The following SUMF1 variants were observed in gnomAD, a reference collection of about 807,000 sequenced individuals.
SUMF1 encodes sulfatase modifying factor 1.
SUMF1 carries 48 observed loss-of-function variants against 47.6 expected under a neutral mutation model. The observed-to-expected ratio is 1.01, with a 90% CI of 0.80 to 1.28. The LOEUF is 1.28. Among genes scored for constraint, SUMF1 ranks in the 50% most tolerant of loss-of-function variants. The pLI, the probability that SUMF1 is intolerant of heterozygous loss-of-function variation, is 0.00. For synonymous variants in SUMF1, 230 were observed against 192.1 expected (o/e 1.20, Z -1.63); for missense variants, 571 against 485.4 (o/e 1.18, Z -1.66).
intron 8 of SUMF1, among the ~76,000 whole-genome samples, chr3:4,193,771 T>A (rs1406032616): frequency 6.6e-6 from 1 of 152,094 alleles, no homozygotes; most frequent in Non-Finnish European, 1.5e-5. Flanking sequence ...TCCACTATTT[T>A]ACCATCTGGG....
intron 8 of SUMF1, among the ~76,000 whole-genome samples, chr3:4,131,700 G>A (rs1693794089): frequency 6.6e-6 from 1 of 152,160 alleles, no homozygotes; most frequent in South Asian, 2.1e-4. Context: ...TGGGGAAGAG[G>A]TACGTGGATG....
chr3:4,242,055 G>T (rs145627544), intron 8 of SUMF1, among the ~76,000 whole-genome samples: 1 of 151,960 alleles, frequency 6.6e-6, no homozygotes, highest in Non-Finnish European at 1.5e-5. Context: ...TGGTCTAGGG[G>T]TATGATCCTT....
At chr3:4,369,755 G>A (rs569411152) in intron 8 of SUMF1, among the ~76,000 whole-genome samples, 1 of 152,160 alleles carries the variant, frequency 6.6e-6, no homozygotes, top group East Asian at 1.9e-4. Context: ...TCTAGTATGG[G>A]GCCCAAGAAC....
Position 4,234,503 on chromosome 3 carries a change from G to T in SUMF1, c.1014+141827C>A, listed in dbSNP as rs61389820. On this transcript the variant is annotated intron_variant and NMD_transcript_variant, in intron 8 of 12. Transcript: ENST00000448413. ...CTTTTCGTTTCTCCTGCTCATTCACGTATCCATTCAACTAACATGTATATG... is the reference window on the plus strand; with the variant it reads ...CTTTTCGTTTCTCCTGCTCATTCACTTATCCATTCAACTAACATGTATATG... 5.3e-3 allele frequency among the ~76,000 whole-genome samples: 802 copies of T among 151,976 alleles called. 10 individuals are homozygous for T. Among genetic ancestry groups the T allele is most frequent in the African/African-American group, 0.018 (761 of 41,444 alleles).
rs1699748823 is a variant in SUMF1, at chr3:4,361,328, A to T, written c.*816T>A. On this transcript the variant is annotated 3_prime_UTR_variant, in exon 9 of 9. Coordinates refer to ENST00000272902, the MANE Select transcript of SUMF1 (RefSeq NM_182760.4). ...AAACAGGTTTCCCCGTTTAGCGCAC[A>T]TTTCACGTTCGCTGAAGGCTTTGGG... is the stretch of plus-strand genomic sequence containing the variant. 6.6e-6 allele frequency: 1 copy of T among 152,574 alleles called. No individual in the cohort carries two copies. The highest frequency in any genetic ancestry group is 1.5e-5 in the Non-Finnish European group (1 of 68,036). 9.5% of individuals were successfully genotyped at this position (152,574 alleles called of 1,614,324 possible).
rs978235091 is a variant in SUMF1, at chr3:4,234,029, T to C, written c.1014+142301A>G. On this transcript the variant is annotated intron_variant and NMD_transcript_variant, in intron 8 of 12. Coordinates refer to the SUMF1 transcript ENST00000448413. The stretch of plus-strand genomic sequence containing the variant: ...ATGACCTCCTGGCCTGAAAGAATTA[T>C]GGCCATTTTTCTAAAGGCGCCTAAA... 3.3e-5 allele frequency among the ~76,000 whole-genome samples: 5 copies of C among 152,112 alleles called. No individual in the cohort carries two copies. The South Asian group carries it at 6.2e-4, about 19-fold the overall frequency.
At chr3:4,247,820 C>T (rs1282118273) in intron 8 of SUMF1, among the ~76,000 whole-genome samples, 1 of 152,122 alleles carries the variant, frequency 6.6e-6, no homozygotes, top group South Asian at 2.1e-4. Context: ...ACCAAGATTT[C>T]GATGAAGTAC....
At chr3:4,328,069 T>A (rs988220276) in intron 8 of SUMF1, among the ~76,000 whole-genome samples, 2 of 151,854 alleles carry the variant, frequency 1.3e-5, no homozygotes, top group African/African-American at 4.8e-5. Flanking sequence ...AAATTAAAAA[T>A]TAGCTGGGTG....
At position 4,093,106 on chromosome 3, in the gene SUMF1, C is replaced by T. The variant is rs144309473; in HGVS notation, c.1015-24361G>A. 1.8e-3 allele frequency among the ~76,000 whole-genome samples: 269 copies of T among 152,176 alleles called. 4 individuals are homozygous for T. Among genetic ancestry groups the T allele is most frequent in the Middle Eastern group, 6.8e-3 (2 of 294 alleles). On this transcript the variant is annotated intron_variant and NMD_transcript_variant, in intron 8 of 12. Transcript: ENST00000448413. ...TAGTTGGGTGTTCTTGGGTAAGTCA[C>T]CACTTGTCCACTCTGAGCCTTTAAA...
At chr3:4,394,737 G>A (rs1700986490) in intron 7 of SUMF1, among the ~76,000 whole-genome samples, 1 of 152,156 alleles carries the variant, frequency 6.6e-6, no homozygotes, top group Non-Finnish European at 1.5e-5. Flanking sequence ...AGGGATCCAG[G>A]CAAGGCTGCA....
At chr3:4,217,224 T>C (rs1695944152) in intron 8 of SUMF1, among the ~76,000 whole-genome samples, 1 of 151,640 alleles carries the variant, frequency 6.6e-6, no homozygotes, top group Admixed American at 6.6e-5. Context: ...GGGACATGGA[T>C]GAAGCTGGAA....
intron 3 of SUMF1, among the ~76,000 whole-genome samples, chr3:4,447,106 G>T (rs1162244378): frequency 2.0e-5 from 3 of 151,928 alleles, no homozygotes; most frequent in African/African-American, 7.3e-5. Flanking sequence ...ATGCTTACAG[G>T]TACGTTCACC....
intron 3 of SUMF1, among the ~76,000 whole-genome samples, chr3:4,421,064 A>G (rs1157754782): frequency 1.3e-5 from 2 of 152,232 alleles, no homozygotes; most frequent in Non-Finnish European, 2.9e-5. Context: ...AGCAAACAGT[A>G]ACTAGAACCT....
chr3:4,217,840 C>A (rs1056975839), intron 8 of SUMF1, among the ~76,000 whole-genome samples: 1 of 149,320 alleles, frequency 6.7e-6, no homozygotes, highest in African/African-American at 2.5e-5. Context: ...AAGTTGTATA[C>A]CAGCTGAGAA....
intron 8 of SUMF1, among the ~76,000 whole-genome samples, chr3:4,256,731 A>G (rs1696962314): frequency 6.6e-6 from 1 of 152,192 alleles, no homozygotes; most frequent in African/African-American, 2.4e-5. Context: ...ATTCCAATCA[A>G]TAGAGGGAAT....
chr3:4,184,143 A>T (rs2587951), intron 8 of SUMF1, among the ~76,000 whole-genome samples: 48,894 of 148,050 alleles, frequency 0.33, 7,988 homozygotes, highest in East Asian at 0.4. Flanking sequence ...TCGAAAAAAA[A>T]TTAAAAAAAA....
intron 8 of SUMF1, chr3:4,316,886 G>T: frequency 6.5e-7 from 1 of 1,549,370 alleles, no homozygotes; most frequent in South Asian, 1.2e-5. Context: ...AAATCGATGA[G>T]ATGAACCAAA....
At chr3:4,173,687 T>A (rs548725198) in intron 8 of SUMF1, among the ~76,000 whole-genome samples, 7 of 152,184 alleles carry the variant, frequency 4.6e-5, no homozygotes, top group African/African-American at 1.7e-4. Context: ...CACCATAGAA[T>A]ACTATGCAGC....
chr3:4,434,864 G>A (rs1456084949), intron 3 of SUMF1, among the ~76,000 whole-genome samples: 1 of 152,172 alleles, frequency 6.6e-6, no homozygotes, highest in African/African-American at 2.4e-5. Context: ...CGATACTGGA[G>A]GGAAAAGAAT....
Sources: gnomAD v4.1 joint callset for allele counts (sites outside exome capture counted in the v4.1 genomes callset) on GRCh38, gnomAD v4.1.1 for gene constraint, MANE v1.5 for transcripts, NCBI Gene and HGNC (gene_info 2026-07-23, HGNC 2026-07-21) for gene names.